The following FAM171A1 variants were observed in gnomAD, a reference collection of about 807,000 sequenced individuals.
FAM171A1 encodes the protein family with sequence similarity 171 member A1.
FAM171A1 carries 23 observed loss-of-function variants against 74.9 expected under a neutral mutation model. That is an observed-to-expected ratio of 0.31 (90% CI 0.22 to 0.44). FAM171A1 has a LOEUF of 0.44. FAM171A1 is among the 20% of genes least tolerant of loss of function. FAM171A1 has a pLI of 1.00. For missense variants in FAM171A1, 1,162 were observed against 1,159.2 expected (o/e 1.00, Z -0.03); for synonymous variants, 527 against 505.7 (o/e 1.04, Z -0.57).
At chr10:15,337,170 C>T (rs896979378) in intron 1 of FAM171A1, among the ~76,000 whole-genome samples, 3 of 151,982 alleles carry the variant, frequency 2.0e-5, no homozygotes, top group African/African-American at 4.8e-5. Context: ...TGTGAGCCAC[C>T]GAACCTGGCT....
At chr10:15,262,789 G>A (rs1281501708) in intron 3 of FAM171A1, among the ~76,000 whole-genome samples, 1 of 152,088 alleles carries the variant, frequency 6.6e-6, no homozygotes. Context: ...CCAGGGAGGT[G>A]TGAGAGGAGG....
intron 1 of FAM171A1, among the ~76,000 whole-genome samples, chr10:15,365,779 A>AAAG (rs5783436): frequency 3.3e-5 from 5 of 151,140 alleles, no homozygotes; most frequent in Non-Finnish European, 5.9e-5. Flanking sequence ...AAAAAAAAAA[A>AAAG]AGAGAGAGAA....
intron 1 of FAM171A1, among the ~76,000 whole-genome samples, chr10:15,350,868 C>A (rs1835869277): frequency 6.6e-6 from 1 of 152,120 alleles, no homozygotes; most frequent in East Asian, 1.9e-4. Flanking sequence ...GTCTCAAACT[C>A]CTGACCTCGA....
At chr10:15,272,107 C>A (rs556160064) in intron 3 of FAM171A1, among the ~76,000 whole-genome samples, 3 of 152,274 alleles carry the variant, frequency 2.0e-5, no homozygotes, top group South Asian at 4.1e-4. Flanking sequence ...GATAAACAGT[C>A]AAGACCCATC....
Position 15,213,497 on chromosome 10 carries a change from C to G in FAM171A1, c.2091G>C (p.Gly697=). 6.2e-7 allele frequency: 1 copy of G among 1,614,134 alleles called. No homozygotes were observed. Among genetic ancestry groups the G allele is most frequent in the Non-Finnish European group, 8.5e-7 (1 of 1,180,032 alleles). ...GGGGGTGCGGAAGCGGCTTCCCACC[C>G]CCAAGCTCCATCAGGGCCTTTTCAG... ...LLTEKALMEL[G]GGKPLPHPRA... Residue 697 remains glycine, a synonymous_variant, in exon 8 of 8, where the codon GGG becomes GGC. Coordinates refer to ENST00000378116, the MANE Select transcript of FAM171A1 (RefSeq NM_001010924.2). The surrounding 1 kb of genome is among the most constrained non-coding windows in gnomAD (Gnocchi z 6.8).
At chr10:15,306,477 G>A (rs58573171) in intron 1 of FAM171A1, among the ~76,000 whole-genome samples, 2,345 of 151,818 alleles carry the variant, frequency 0.015, 61 homozygotes, top group African/African-American at 0.054. Flanking sequence ...CGATTCTCCT[G>A]ACTCAGTCTC....
At chr10:15,243,329 C>T (rs561668025) in intron 5 of FAM171A1, among the ~76,000 whole-genome samples, 15 of 152,224 alleles carry the variant, frequency 9.9e-5, no homozygotes, top group African/African-American at 3.6e-4. Context: ...GAGAATCACC[C>T]CATCTCCAGA....
chr10:15,281,195 C>G (rs1026493080), intron 2 of FAM171A1, among the ~76,000 whole-genome samples: 2 of 152,196 alleles, frequency 1.3e-5, no homozygotes, highest in Non-Finnish European at 2.9e-5. Context: ...TGATCGGAAG[C>G]TTCCTGAGGC....
chr10:15,373,176 C>A (rs921287157), upstream of FAM171A1, among the ~76,000 whole-genome samples: 4 of 152,190 alleles, frequency 2.6e-5, no homozygotes, highest in African/African-American at 7.2e-5. Context: ...ACCCTTAGGA[C>A]CAATGCTGCA....
intron 1 of FAM171A1, among the ~76,000 whole-genome samples, chr10:15,315,979 T>G (rs1218676838): frequency 2.0e-5 from 3 of 152,072 alleles, no homozygotes; most frequent in Non-Finnish European, 4.4e-5. Flanking sequence ...TTCCCCCAGG[T>G]GTGTTTTTTT....
At chr10:15,346,244 C>T (rs76510019) in intron 1 of FAM171A1, among the ~76,000 whole-genome samples, 3,058 of 152,268 alleles carry the variant, frequency 0.02, 34 homozygotes, top group Middle Eastern at 0.048. Flanking sequence ...TACTGGTGCG[C>T]ATCACCATGC....
intron 1 of FAM171A1, among the ~76,000 whole-genome samples, chr10:15,334,327 C>T (rs11591729): frequency 3.3e-5 from 5 of 152,178 alleles, no homozygotes; most frequent in Admixed American, 1.3e-4. Context: ...CATTTACTGG[C>T]TGGGAAATAC....
chr10:15,372,698 CA>C (rs59712649), upstream of FAM171A1, among the ~76,000 whole-genome samples: 6,348 of 88,578 alleles, frequency 0.072, 251 homozygotes, highest in African/African-American at 0.21. Flanking sequence ...GACCCCGTCT[CA>C]AAAAAAAAAA....
intron 1 of FAM171A1, 119 bp from the exon 2 acceptor site, chr10:15,284,224 T>A: frequency 1.2e-6 from 1 of 839,844 alleles, no homozygotes; most frequent in Non-Finnish European, 1.8e-6. Flanking sequence ...AGGTTGACAC[T>A]CAAAATATGC....
intron 3 of FAM171A1, among the ~76,000 whole-genome samples, chr10:15,263,095 T>C (rs1165011095): frequency 6.6e-6 from 1 of 152,186 alleles, no homozygotes; most frequent in African/African-American, 2.4e-5. Flanking sequence ...AAGCAGAGGA[T>C]GGAGACCACT....
chr10:15,325,419 G>A (rs1835543662), intron 1 of FAM171A1, among the ~76,000 whole-genome samples: 1 of 152,074 alleles, frequency 6.6e-6, no homozygotes, highest in African/African-American at 2.4e-5. Context: ...GAGGTGGGAG[G>A]ATCACTTGAG....
chr10:15,368,642 T>C (rs1473959084), intron 1 of FAM171A1, among the ~76,000 whole-genome samples: 5 of 152,242 alleles, frequency 3.3e-5, no homozygotes, highest in Non-Finnish European at 5.9e-5. Flanking sequence ...CTATGGTTGA[T>C]GCTTACCTAC....
chr10:15,272,354 A>C (rs1834837317), intron 3 of FAM171A1, among the ~76,000 whole-genome samples: 1 of 152,236 alleles, frequency 6.6e-6, no homozygotes, highest in Non-Finnish European at 1.5e-5. Context: ...TGTCCTAAAT[A>C]TATATGCACC....
At chr10:15,317,257 C>T (rs17293257) in intron 1 of FAM171A1, among the ~76,000 whole-genome samples, 30,254 of 152,088 alleles carry the variant, frequency 0.2, 3,213 homozygotes, top group Middle Eastern at 0.26. Context: ...TCGCATTCAG[C>T]TTTAGAAACT....
Sources: allele counts gnomAD v4.1 joint callset (sites outside exome capture counted in the v4.1 genomes callset), GRCh38; gene constraint gnomAD v4.1.1; non-coding constraint Gnocchi (gnomAD v3.1); transcripts MANE v1.5; gene names NCBI Gene and HGNC (gene_info 2026-07-23, HGNC 2026-07-21).